Variants in SYN3 observed in about 807,000 individuals in gnomAD.
SYN3 encodes the protein synapsin-3.
A neutral mutation model predicts 65.8 loss-of-function variants in SYN3; 35 were observed. The ratio of observed to expected loss-of-function variants is 0.53; its 90% CI spans 0.41 to 0.70. SYN3 has a LOEUF of 0.70. SYN3 is among the 30% of genes least tolerant of loss of function. The probability of loss-of-function intolerance (pLI) is 0.00; values close to 1 mark genes in which losing one functional copy is unlikely to be tolerated. For missense variants in SYN3, 680 were observed against 749.0 expected (o/e 0.91, Z 1.08); for synonymous variants, 270 against 292.9 (o/e 0.92, Z 0.80).
intron 6 of SYN3, among the ~76,000 whole-genome samples, chr22:32,743,215 G>A (rs138023249): frequency 1.2e-4 from 19 of 152,310 alleles, no homozygotes; most frequent in African/African-American, 3.6e-4. Context: ...AGTTGCCAGT[G>A]GATGCCTAAG....
intron 12 of SYN3, among the ~76,000 whole-genome samples, chr22:32,525,634 C>T (rs1211627449): frequency 6.7e-6 from 1 of 149,984 alleles, no homozygotes; most frequent in Non-Finnish European, 1.5e-5. Context: ...GGCATGAACC[C>T]GGGAAAGCGG....
intron 1 of SYN3, among the ~76,000 whole-genome samples, chr22:33,027,120 T>C (rs1400337170): frequency 2.0e-5 from 3 of 152,198 alleles, no homozygotes; most frequent in Admixed American, 6.5e-5. Flanking sequence ...TTACTCAATA[T>C]AGAACTTCCC....
At chr22:32,637,929 G>T (rs140464840) in intron 6 of SYN3, among the ~76,000 whole-genome samples, 2 of 152,152 alleles carry the variant, frequency 1.3e-5, no homozygotes, top group East Asian at 3.9e-4. Context: ...ATGAGCCACC[G>T]CGCCCAGCAA....
intron 1 of SYN3, among the ~76,000 whole-genome samples, chr22:33,041,294 C>A (rs1267911272): frequency 2.3e-5 from 3 of 129,326 alleles, no homozygotes; most frequent in Non-Finnish European, 5.0e-5. Context: ...GGAACTCTTT[C>A]TTTTTTTTTT....
At chr22:32,669,379 C>T (rs1055478488) in intron 6 of SYN3, among the ~76,000 whole-genome samples, 3 of 152,198 alleles carry the variant, frequency 2.0e-5, no homozygotes, top group Admixed American at 2.0e-4. Flanking sequence ...ACCACATGGT[C>T]TGTTCCTGAA....
chr22:32,710,096 C>CAT lies in SYN3; in HGVS notation c.712-113361_712-113360insAT, dbSNP rs1447631515. On this transcript the variant is annotated intron_variant, in intron 6 of 13. Coordinates refer to ENST00000358763, the MANE Select transcript of SYN3 (RefSeq NM_003490.4). ...ATATGCACACACACACACACACACA[C>CAT]ACATGTGTGTGTGTATGTGTGTGTG... Among the ~76,000 whole-genome samples, 234 of 86,026 alleles carry CAT rather than the reference C, an allele frequency of 2.7e-3. 2 individuals carry two copies. The highest frequency in any genetic ancestry group is 0.013 in the African/African-American group (208 of 16,020). 56.4% of individuals were successfully genotyped at this position (86,026 alleles called of 152,430 possible). A position where few individuals can be genotyped will look rare whatever the true frequency, so the allele number is the denominator to read the frequency against.
intron 6 of SYN3, among the ~76,000 whole-genome samples, chr22:32,694,747 A>G (rs2060713300): frequency 6.6e-6 from 1 of 152,216 alleles, no homozygotes; most frequent in Non-Finnish European, 1.5e-5. Context: ...CTCTATGGAT[A>G]CTGAGAAATG....
At chr22:32,913,278 C>T (rs1463631775) in intron 4 of SYN3, among the ~76,000 whole-genome samples, 1 of 151,888 alleles carries the variant, frequency 6.6e-6, no homozygotes. Context: ...CATTCCCACT[C>T]CTCCAGAGTA....
chr22:32,768,354 A>G (rs1223218781), intron 6 of SYN3, among the ~76,000 whole-genome samples: 1 of 152,086 alleles, frequency 6.6e-6, no homozygotes, highest in Non-Finnish European at 1.5e-5. Context: ...GCCTTCTTTG[A>G]TGGATGGCTT....
At chr22:32,827,708 T>C (rs1412841304) in intron 6 of SYN3, among the ~76,000 whole-genome samples, 1 of 152,220 alleles carries the variant, frequency 6.6e-6, no homozygotes, top group African/African-American at 2.4e-5. Context: ...TCCAGTGGCT[T>C]CTTAATTCCT....
At chr22:32,997,900 G>A (rs1382427506) in intron 2 of SYN3, among the ~76,000 whole-genome samples, 2 of 151,784 alleles carry the variant, frequency 1.3e-5, no homozygotes, top group African/African-American at 4.8e-5. Context: ...GGTGGTGGGC[G>A]CCTGTAGTCC....
chr22:32,941,448 T>C (rs1601743732), intron 3 of SYN3, among the ~76,000 whole-genome samples: 1 of 152,214 alleles, frequency 6.6e-6, no homozygotes, highest in East Asian at 1.9e-4. Context: ...AGTGCATTTT[T>C]AAAAATTTCT....
intron 7 of SYN3, among the ~76,000 whole-genome samples, chr22:32,584,524 G>T (rs1038562092): frequency 1.1e-4 from 16 of 151,862 alleles, no homozygotes; most frequent in African/African-American, 3.9e-4. Flanking sequence ...GGAAAACAGA[G>T]AAAAGAAAAA....
chr22:32,550,364 TA>T (rs34370251), intron 7 of SYN3, among the ~76,000 whole-genome samples: 37,286 of 144,340 alleles, frequency 0.26, 4,760 homozygotes, highest in Middle Eastern at 0.39. Context: ...TTAACCACAT[TA>T]AAAAAAAAAA....
intron 4 of SYN3, among the ~76,000 whole-genome samples, chr22:32,923,408 C>T (rs988765337): frequency 2.0e-5 from 3 of 152,296 alleles, no homozygotes; most frequent in South Asian, 2.1e-4. Flanking sequence ...CCCTCACAGA[C>T]GCAACAAGAA....
chr22:32,808,064 G>A lies in SYN3; in HGVS notation c.711+56851C>T, dbSNP rs547830718. 9.2e-5 allele frequency among the ~76,000 whole-genome samples: 14 copies of A among 152,316 alleles called. No homozygotes were observed. In the South Asian group the frequency reaches 2.3e-3, roughly 25 times the overall value. On this transcript the variant is annotated intron_variant, in intron 6 of 13. Coordinates refer to ENST00000358763, the MANE Select transcript of SYN3 (RefSeq NM_003490.4). ...GGGAGTATTTTCATAGGGAGAGGAAGGCTGCAATGCCAGGAAAGCTGTGAC... is the reference window on the plus strand; with the variant it reads ...GGGAGTATTTTCATAGGGAGAGGAAAGCTGCAATGCCAGGAAAGCTGTGAC...
intron 6 of SYN3, among the ~76,000 whole-genome samples, chr22:32,710,645 A>AAAAAAAAAAAAG (rs1555931894): frequency 3.9e-5 from 5 of 126,964 alleles, no homozygotes; most frequent in African/African-American, 7.0e-5. Flanking sequence ...AAAAAAAAAA[A>AAAAAAAAAAAAG]AAAGAAAGAA....
chr22:32,606,397 G>C (rs2059372768), intron 6 of SYN3, among the ~76,000 whole-genome samples: 1 of 152,172 alleles, frequency 6.6e-6, no homozygotes, highest in East Asian at 1.9e-4. Flanking sequence ...TGTAGCATCT[G>C]ACAGACTCTC....
chr22:32,938,961 A>T (rs2050859804), intron 3 of SYN3, among the ~76,000 whole-genome samples: 1 of 152,086 alleles, frequency 6.6e-6, no homozygotes, highest in South Asian at 2.1e-4. Context: ...GGCACAATAA[A>T]GACTTTTCCA....
Sources: allele counts gnomAD v4.1 joint callset (sites outside exome capture counted in the v4.1 genomes callset), GRCh38; gene constraint gnomAD v4.1.1; transcripts MANE v1.5; gene names NCBI Gene and HGNC (gene_info 2026-07-23, HGNC 2026-07-21).